Variants in AGBL1 observed in about 807,000 individuals in gnomAD.
The protein encoded by AGBL1 is AGBL carboxypeptidase 1.
A neutral mutation model predicts 118.9 loss-of-function variants in AGBL1; 130 were observed. The observed-to-expected ratio is 1.09, with a 90% CI of 0.95 to 1.26. The LOEUF is 1.26. AGBL1 is among the 50% of genes most tolerant of loss of function. The pLI is 0.00. For synonymous variants in AGBL1, 555 were observed against 478.9 expected (o/e 1.16, Z -2.08); for missense variants, 1,584 against 1,298.1 (o/e 1.22, Z -3.38).
chr15:86,981,028 A>T (rs954055288), intron 23 of AGBL1, among the ~76,000 whole-genome samples: 11 of 151,860 alleles, frequency 7.2e-5, no homozygotes, highest in Admixed American at 5.3e-4. Context: ...CTGCGACTAC[A>T]GGCGCACGCT....
intron 23 of AGBL1, among the ~76,000 whole-genome samples, chr15:86,927,579 C>T (rs12900969): frequency 0.095 from 14,423 of 152,058 alleles, 880 homozygotes; most frequent in East Asian, 0.27. Context: ...AGAGCAAGAC[C>T]CCATCTTTGA....
At chr15:86,445,238 C>T (rs947993305) in intron 18 of AGBL1, among the ~76,000 whole-genome samples, 8 of 152,168 alleles carry the variant, frequency 5.3e-5, no homozygotes, top group Non-Finnish European at 8.8e-5. Flanking sequence ...AGCAAGTCAG[C>T]CATGAGGATT....
At chr15:86,378,193 C>A (rs1181237191) in intron 17 of AGBL1, among the ~76,000 whole-genome samples, 3 of 152,226 alleles carry the variant, frequency 2.0e-5, no homozygotes, top group South Asian at 2.1e-4. Context: ...GTTTAAAATG[C>A]AGTATTGTCA....
intron 22 of AGBL1, among the ~76,000 whole-genome samples, chr15:86,844,342 G>C (rs1184772644): frequency 6.6e-6 from 1 of 152,082 alleles, no homozygotes; most frequent in Non-Finnish European, 1.5e-5. Context: ...AGTGAATGAG[G>C]GTTCCAGTTT....
intron 5 of AGBL1, among the ~76,000 whole-genome samples, chr15:86,172,471 T>G (rs2077429304): frequency 6.6e-6 from 1 of 152,216 alleles, no homozygotes; most frequent in South Asian, 2.1e-4. Flanking sequence ...TATCTAACTG[T>G]GTTTGTACCC....
chr15:86,228,217 C>A (rs2078398349), intron 6 of AGBL1, among the ~76,000 whole-genome samples: 1 of 152,130 alleles, frequency 6.6e-6, no homozygotes, highest in African/African-American at 2.4e-5. Context: ...TCGACTTGGA[C>A]CCCAGAGTGA....
chr15:86,285,427 G>C (rs753922545), intron 16 of AGBL1, among the ~76,000 whole-genome samples: 9 of 152,016 alleles, frequency 5.9e-5, no homozygotes, highest in South Asian at 4.2e-4. Flanking sequence ...ATTGAGTCAC[G>C]GGGGCAGGTC....
chr15:86,537,530 A>C (rs745413903), intron 19 of AGBL1, among the ~76,000 whole-genome samples: 2 of 152,258 alleles, frequency 1.3e-5, no homozygotes, highest in Non-Finnish European at 2.9e-5. Flanking sequence ...TTCTCAGGGC[A>C]TTAGGCTTAC....
intron 22 of AGBL1, among the ~76,000 whole-genome samples, chr15:86,840,407 C>T (rs112722050): frequency 5.9e-5 from 9 of 152,202 alleles, no homozygotes; most frequent in African/African-American, 2.2e-4. Flanking sequence ...AGATGCAACC[C>T]AGGATGCTCT....
chr15:86,757,367 G>A lies in AGBL1; in HGVS notation c.3158+82931G>A, dbSNP rs72750005. ...CTGTATTCTACTTGTCACACTTGGG[G>A]AAATGGATCACTTTCTTAGCTATCA... On this transcript the variant is annotated intron_variant, in intron 22 of 22. Coordinates refer to ENST00000614907, the MANE Select transcript of AGBL1 (RefSeq NM_001386094.1). Among the ~76,000 whole-genome samples, 1,045 of 152,200 alleles carry A rather than the reference G, an allele frequency of 6.9e-3. 7 individuals are homozygous for A. Among genetic ancestry groups the A allele is most frequent in the Non-Finnish European group, 0.011 (766 of 67,992 alleles).
intron 18 of AGBL1, among the ~76,000 whole-genome samples, chr15:86,492,444 G>A (rs139441310): frequency 3.0e-3 from 461 of 152,112 alleles, no homozygotes; most frequent in African/African-American, 0.011. Context: ...ACAAAAATTA[G>A]CTGGGTGTGG....
chr15:86,895,949 C>A (rs540482019), intron 22 of AGBL1, among the ~76,000 whole-genome samples: 1 of 152,008 alleles, frequency 6.6e-6, no homozygotes, highest in South Asian at 2.1e-4. Flanking sequence ...CATCTTTCAA[C>A]TGGTATCTTT....
chr15:86,747,010 G>A (rs1215743127), intron 22 of AGBL1, among the ~76,000 whole-genome samples: 1 of 152,000 alleles, frequency 6.6e-6, no homozygotes, highest in Non-Finnish European at 1.5e-5. Flanking sequence ...TAAGTGGCAT[G>A]CTCATTTCCA....
intron 22 of AGBL1, among the ~76,000 whole-genome samples, chr15:86,744,627 C>T (rs1242739322): frequency 1.3e-5 from 2 of 152,132 alleles, no homozygotes; most frequent in African/African-American, 4.8e-5. Context: ...GGGAGACATT[C>T]ACCCCCAGAG....
chr15:86,199,292 T>C (rs901543738), intron 5 of AGBL1, among the ~76,000 whole-genome samples: 6 of 152,210 alleles, frequency 3.9e-5, no homozygotes, highest in African/African-American at 1.2e-4. Context: ...TCCACACTTA[T>C]CTGAACATGA....
intron 18 of AGBL1, among the ~76,000 whole-genome samples, chr15:86,468,307 C>T (rs949312057): frequency 2.6e-5 from 4 of 152,126 alleles, no homozygotes; most frequent in Non-Finnish European, 5.9e-5. Flanking sequence ...TCTTTGAGAA[C>T]GGAAATCTAG....
intron 21 of AGBL1, 108 bp downstream of exon 21, chr15:86,554,645 T>C: frequency 8.4e-7 from 1 of 1,188,110 alleles, no homozygotes; most frequent in Admixed American, 4.0e-5. Context: ...AGGCTCCAAG[T>C]AGAGTTTGGT....
chr15:86,180,530 T>G (rs761565471), intron 5 of AGBL1, among the ~76,000 whole-genome samples: 7 of 152,130 alleles, frequency 4.6e-5, no homozygotes, highest in Non-Finnish European at 8.8e-5. Context: ...GAATATAAAA[T>G]GGACCATAGA....
chr15:86,380,055 C>G (rs562360342), intron 17 of AGBL1, among the ~76,000 whole-genome samples: 48 of 152,228 alleles, frequency 3.2e-4, no homozygotes, highest in Middle Eastern at 3.4e-3. Context: ...TGTTTTAAAC[C>G]AAGGCACTAG....
Sources: gnomAD v4.1 joint callset for allele counts (sites outside exome capture counted in the v4.1 genomes callset) on GRCh38, gnomAD v4.1.1 for gene constraint, MANE v1.5 for transcripts, NCBI Gene and HGNC (gene_info 2026-07-23, HGNC 2026-07-21) for gene names.